BMPER: variants seen among roughly 807,000 people sequenced by gnomAD.
BMPER encodes BMP binding endothelial regulator, also known as BMP-binding endothelial regulator protein.
A neutral mutation model predicts 87.3 loss-of-function variants in BMPER; 45 were observed. That is an observed-to-expected ratio of 0.52 (90% CI 0.41 to 0.66). The LOEUF is 0.66. BMPER is among the 30% of genes least tolerant of loss of function. BMPER has a pLI of 0.00. For synonymous variants in BMPER, 326 were observed against 316.2 expected (o/e 1.03, Z -0.33); for missense variants, 784 against 867.5 (o/e 0.90, Z 1.21).
chr7:34,144,488 G>A (rs997643610), intron 14 of BMPER, among the ~76,000 whole-genome samples: 7 of 151,146 alleles, frequency 4.6e-5, no homozygotes, highest in Non-Finnish European at 7.4e-5. Context: ...TTGAAAGCAG[G>A]GTACTAGGCA....
intron 13 of BMPER, among the ~76,000 whole-genome samples, chr7:34,123,082 C>T (rs1226632714): frequency 6.6e-6 from 1 of 151,914 alleles, no homozygotes; most frequent in African/African-American, 2.4e-5. Flanking sequence ...TATATGTTAC[C>T]CCCACAATTT....
Position 34,055,227 on chromosome 7 carries a change from G to T in BMPER, c.851G>T (p.Gly284Val). 1 of 1,614,126 alleles carries T rather than the reference G, an allele frequency of 6.2e-7. No individual in the cohort carries two copies. Among genetic ancestry groups the T allele is most frequent in the Middle Eastern group, 1.6e-4 (1 of 6,062 alleles). The change falls in exon 9 of 15, where the codon GGC becomes GTC. Residue 284 changes from glycine to valine, a missense_variant. Coordinates refer to ENST00000649409, the MANE Select transcript of BMPER (RefSeq NM_001365308.1). ...HPGGCDQGQE[G>V]CCEECLLRVP... ...GGTGGCTGTGACCAAGGCCAGGAGG[G>T]CTGTTGTGAAGAGTGCCTCCTACGA...
chr7:34,071,285 C>G (rs1788731334), intron 11 of BMPER, among the ~76,000 whole-genome samples: 1 of 152,152 alleles, frequency 6.6e-6, no homozygotes. Flanking sequence ...TGAATAATGA[C>G]TACTCTGAGT....
Position 34,154,690 on chromosome 7 carries a change from G to A in BMPER, c.*1417G>A, listed in dbSNP as rs1379028217. ...CAGCATATTGCCAATGCTCGTCAAA[G>A]ACATTTATGTTTCTTTTACATTCAT... On this transcript the variant is annotated 3_prime_UTR_variant, in exon 15 of 15. Transcript: ENST00000649409. 1 of 151,404 alleles carries A rather than the reference G, an allele frequency of 6.6e-6. No homozygotes were observed. The highest frequency in any genetic ancestry group is 2.4e-5 in the African/African-American group (1 of 41,208). The allele number at this position is 151,404 out of a possible 1,614,324, so 9.4% of individuals were successfully genotyped here.
chr7:34,153,095 C>T lies in BMPER; in HGVS notation c.1880C>T (p.Thr627Ile), dbSNP rs143727756. Residue 627 changes from threonine (T) to isoleucine (I), a missense_variant, in exon 15 of 15, where the codon ACC becomes ATC. By Grantham distance (89) the Thr-to-Ile change is moderately conservative. Coordinates refer to ENST00000649409, the MANE Select transcript of BMPER (RefSeq NM_001365308.1). ...HWEPQQNCAA[T>I]QCKHGAVYDT... ...TTTGTCTCCTTCTCTTTTTCAGCCA[C>T]CCAGTGTAAGCATGGTGCTGTGTAC... 128 of 1,613,894 alleles carry T rather than the reference C, an allele frequency of 7.9e-5. No individual in the cohort carries two copies. Among genetic ancestry groups the T allele is most frequent in the Non-Finnish European group, 1.1e-4 (126 of 1,179,912 alleles).
chr7:34,030,624 T>C (rs933392551), intron 6 of BMPER, among the ~76,000 whole-genome samples: 4 of 150,224 alleles, frequency 2.7e-5, no homozygotes, highest in African/African-American at 4.8e-5. Context: ...AGAAATTACA[T>C]TGATTTTTTT....
At chr7:34,143,145 A>G in intron 13 of BMPER, 85 bp from the exon 14 acceptor site, 2 of 1,589,004 alleles carry the variant, frequency 1.3e-6, no homozygotes, top group South Asian at 2.2e-5. Flanking sequence ...AGGTTTTCCC[A>G]TCTACGACCC....
At chr7:34,058,595 T>A (rs142492788) in intron 10 of BMPER, among the ~76,000 whole-genome samples, 131 of 152,366 alleles carry the variant, frequency 8.6e-4, no homozygotes, top group African/African-American at 2.8e-3. Flanking sequence ...TTCTCCTGCC[T>A]CACGGCATCC....
At chr7:33,992,813 G>A (rs1331072037) in intron 6 of BMPER, among the ~76,000 whole-genome samples, 2 of 136,638 alleles carry the variant, frequency 1.5e-5, no homozygotes, top group Non-Finnish European at 1.6e-5. Flanking sequence ...GGCAGGCCTG[G>A]TGGTGACAAA....
intron 6 of BMPER, among the ~76,000 whole-genome samples, chr7:33,998,380 G>C (rs532666350): frequency 3.3e-5 from 5 of 152,282 alleles, no homozygotes; most frequent in African/African-American, 1.2e-4. Context: ...CTAGACTTCG[G>C]TGGGAATCTG....
chr7:34,024,357 CAAAAA>C (rs1169634357), intron 6 of BMPER, among the ~76,000 whole-genome samples: 2 of 4,654 alleles, frequency 4.3e-4, no homozygotes, highest in African/African-American at 2.3e-3. Flanking sequence ...AACTCTGTCT[CAAAAA>C]AAAAAAAAAA....
At chr7:33,981,961 C>T (rs991847104) in intron 6 of BMPER, among the ~76,000 whole-genome samples, 4 of 152,168 alleles carry the variant, frequency 2.6e-5, no homozygotes, top group African/African-American at 9.7e-5. Flanking sequence ...CAGTCACCAA[C>T]AATCAGGGCC....
intron 3 of BMPER, among the ~76,000 whole-genome samples, chr7:33,937,820 TC>T (rs1784646112): frequency 6.6e-6 from 1 of 152,056 alleles, no homozygotes; most frequent in Non-Finnish European, 1.5e-5. Context: ...ATCATTTTCG[TC>T]CTCATTAAAA....
chr7:34,007,987 C>G (rs1197262169), intron 6 of BMPER, among the ~76,000 whole-genome samples: 1 of 151,792 alleles, frequency 6.6e-6, no homozygotes, highest in Non-Finnish European at 1.5e-5. Context: ...TTTTTCTTGT[C>G]AGTTTTAATG....
intron 6 of BMPER, among the ~76,000 whole-genome samples, chr7:33,994,544 C>T (rs541153954): frequency 5.9e-5 from 9 of 152,166 alleles, no homozygotes; most frequent in African/African-American, 1.7e-4. Flanking sequence ...GAGATGAACC[C>T]GGTGCCTCAG....
chr7:34,128,957 TCTGA>T (rs780240173), intron 13 of BMPER, among the ~76,000 whole-genome samples: 4 of 152,220 alleles, frequency 2.6e-5, no homozygotes, highest in Non-Finnish European at 4.4e-5. Flanking sequence ...TCTATAATTC[TCTGA>T]CTTTTTGTGA....
chr7:33,916,259 T>C lies in BMPER; in HGVS notation c.219+9356T>C, dbSNP rs1784085007. On this transcript the variant is annotated intron_variant, in intron 2 of 14. Coordinates refer to ENST00000649409, the MANE Select transcript of BMPER (RefSeq NM_001365308.1). The stretch of plus-strand genomic sequence containing the variant: ...GATGGGTTGCTCCTCTATTTTTTCT[T>C]TTCAAAGCTTCACCTGCTTAACTTG... 2.6e-5 allele frequency among the ~76,000 whole-genome samples: 4 copies of C among 152,204 alleles called. No homozygotes were observed. In the South Asian group the frequency reaches 8.3e-4, roughly 32 times the overall value.
chr7:34,121,891 G>T (rs962858897), intron 13 of BMPER, among the ~76,000 whole-genome samples: 20 of 152,244 alleles, frequency 1.3e-4, no homozygotes, highest in African/African-American at 4.8e-4. Flanking sequence ...GGAGGCCAAG[G>T]CAGGAGTACT....
chr7:33,968,646 A>G (rs1436058385), intron 4 of BMPER, among the ~76,000 whole-genome samples: 2 of 152,194 alleles, frequency 1.3e-5, no homozygotes, highest in Non-Finnish European at 2.9e-5. Flanking sequence ...AGAAAGCCAA[A>G]CTGTTAAAAA....
Sources: gnomAD v4.1 joint callset for allele counts (sites outside exome capture counted in the v4.1 genomes callset) on GRCh38, gnomAD v4.1.1 for gene constraint, MANE v1.5 for transcripts, NCBI Gene and HGNC (gene_info 2026-07-23, HGNC 2026-07-21) for gene names.